The following SPAG9 variants were observed in gnomAD, a reference collection of about 807,000 sequenced individuals.
SPAG9 encodes sperm associated antigen 9.
Under a neutral mutation model 166.5 loss-of-function variants are expected in SPAG9, and 35 were observed. The observed-to-expected ratio is 0.21, with a 90% CI of 0.16 to 0.28. The LOEUF (loss-of-function observed/expected upper bound fraction) is 0.28. Among genes scored for constraint, SPAG9 ranks in the 10% least tolerant of loss-of-function variants. SPAG9 has a pLI of 1.00. For synonymous variants in SPAG9, 534 were observed against 565.5 expected (o/e 0.94, Z 0.79); for missense variants, 1,235 against 1,603.3 (o/e 0.77, Z 3.92).
At chr17:51,112,287 A>G (rs919227001) in intron 1 of SPAG9, among the ~76,000 whole-genome samples, 73 of 146,960 alleles carry the variant, frequency 5.0e-4, no homozygotes, top group African/African-American at 1.7e-3. Flanking sequence ...CAATCCCAAC[A>G]CTTTGGGAGG....
chr17:51,046,740 C>T (rs2047035388), intron 4 of SPAG9: 3 of 1,535,532 alleles, frequency 2.0e-6, no homozygotes, highest in African/African-American at 2.7e-5. Context: ...TAGTGAGGAT[C>T]TGTCATTCAG....
chr17:51,059,547 T>A lies in SPAG9; in HGVS notation c.425-3065A>T, dbSNP rs373528904. On this transcript the variant is annotated intron_variant, in intron 2 of 29. Coordinates refer to ENST00000262013, the MANE Select transcript of SPAG9 (RefSeq NM_001130528.3). ...GGTGGGCGGATCACAAGGTCAGAAGTTCGAGAACAGCCTGGCCAACATGGT... is the reference window on the plus strand; with the variant it reads ...GGTGGGCGGATCACAAGGTCAGAAGATCGAGAACAGCCTGGCCAACATGGT... Among the ~76,000 whole-genome samples, 18 of 151,858 alleles carry A rather than the reference T, an allele frequency of 1.2e-4. No individual in the cohort carries two copies. In the South Asian group the frequency reaches 3.7e-3, roughly 32 times the overall value.
rs1004403083 is a variant in SPAG9, at chr17:51,120,747, G to A, written c.-91C>T. 3.7e-5 allele frequency: 44 copies of A among 1,196,870 alleles called. No individual in the cohort carries two copies. The Admixed American group carries it at 9.5e-4, about 26-fold the overall frequency. The allele number at this position is 1,196,870 out of a possible 1,614,324, so 74.1% of individuals were successfully genotyped here. On this transcript the variant is annotated 5_prime_UTR_variant, in exon 1 of 30. Coordinates refer to ENST00000262013, the MANE Select transcript of SPAG9 (RefSeq NM_001130528.3). This position sits in a 1 kb window ranked among gnomAD's most constrained non-coding sequence, Gnocchi z 4.7. ...GGACGGACCCGACTCGGGCTGGGAC[G>A]GGTACTAGGGCTGGAGCCCGGGCCG... is the stretch of plus-strand genomic sequence containing the variant.
chr17:51,003,493 T>C (rs1201598757), intron 12 of SPAG9, among the ~76,000 whole-genome samples: 1 of 152,162 alleles, frequency 6.6e-6, no homozygotes, highest in African/African-American at 2.4e-5. Flanking sequence ...ACTTATTACC[T>C]AGTTACCAAG....
chr17:51,117,891 T>C (rs1047984674), intron 1 of SPAG9, among the ~76,000 whole-genome samples: 5 of 151,770 alleles, frequency 3.3e-5, no homozygotes, highest in Non-Finnish European at 7.4e-5. Flanking sequence ...CCCAGTACTT[T>C]GGGAGGCTGA....
intron 1 of SPAG9, among the ~76,000 whole-genome samples, chr17:51,103,297 G>A (rs912305200): frequency 6.6e-6 from 1 of 152,136 alleles, no homozygotes; most frequent in African/African-American, 2.4e-5. Context: ...AAAAGCAATA[G>A]GTTAGTTTGA....
intron 2 of SPAG9, among the ~76,000 whole-genome samples, chr17:51,058,518 T>C (rs2047419496): frequency 6.6e-6 from 1 of 152,242 alleles, no homozygotes; most frequent in African/African-American, 2.4e-5. Context: ...GCTATACTGC[T>C]TCTCAGCAAA....
intron 9 of SPAG9, among the ~76,000 whole-genome samples, chr17:51,010,717 T>C (rs956395770): frequency 6.6e-6 from 1 of 151,812 alleles, no homozygotes; most frequent in African/African-American, 2.4e-5. Flanking sequence ...ACTAAAACAG[T>C]GCCTGTTGGT....
chr17:51,048,268 A>AGC (rs1054798397), intron 3 of SPAG9, among the ~76,000 whole-genome samples: 1 of 152,124 alleles, frequency 6.6e-6, no homozygotes, highest in Non-Finnish European at 1.5e-5. Flanking sequence ...ACTTTTAAAA[A>AGC]GCCTAAATTT....
At chr17:50,980,000 C>T in intron 25 of SPAG9, 83 bp from the exon 26 acceptor site, 1 of 1,289,130 alleles carries the variant, frequency 7.8e-7, no homozygotes, top group Non-Finnish European at 1.1e-6. Flanking sequence ...CACAAGTTAG[C>T]AGACTATTAA....
chr17:51,026,956 G>A (rs368539578), intron 6 of SPAG9, among the ~76,000 whole-genome samples: 1 of 152,134 alleles, frequency 6.6e-6, no homozygotes, highest in Non-Finnish European at 1.5e-5. Flanking sequence ...GTTTAGAGAT[G>A]TGAGCCACTG....
At chr17:51,022,116 C>A (rs1465743927) in intron 6 of SPAG9, among the ~76,000 whole-genome samples, 1 of 141,202 alleles carries the variant, frequency 7.1e-6, no homozygotes, top group Non-Finnish European at 1.5e-5. Context: ...GAGCTAGACT[C>A]CATCTCAAAA....
At chr17:50,994,939 G>A (rs1468134283) in intron 18 of SPAG9, 118 bp downstream of exon 18, 4 of 678,006 alleles carry the variant, frequency 5.9e-6, no homozygotes, top group Non-Finnish European at 1.0e-5. Context: ...GGTGCTGAGG[G>A]ACAGTAAGCC....
At chr17:51,074,302 G>T (rs865937665) in intron 2 of SPAG9, among the ~76,000 whole-genome samples, 3 of 152,188 alleles carry the variant, frequency 2.0e-5, no homozygotes, top group Non-Finnish European at 4.4e-5. Flanking sequence ...GTGCACGCCT[G>T]TAATCCCAGC....
At chr17:51,053,959 T>C (rs1185867350) in intron 3 of SPAG9, among the ~76,000 whole-genome samples, 1 of 136,660 alleles carries the variant, frequency 7.3e-6, no homozygotes, top group Non-Finnish European at 1.5e-5. Context: ...AAACAGTACA[T>C]AGAGTACATT....
chr17:51,040,965 T>G (rs942180440), intron 5 of SPAG9, among the ~76,000 whole-genome samples: 3 of 152,234 alleles, frequency 2.0e-5, no homozygotes, highest in Non-Finnish European at 2.9e-5. Context: ...TTTATATTTA[T>G]CACTTATTTG....
chr17:51,003,645 G>C (rs1001668212), intron 12 of SPAG9, among the ~76,000 whole-genome samples: 1 of 152,186 alleles, frequency 6.6e-6, no homozygotes, highest in African/African-American at 2.4e-5. Context: ...CATGGCTCAA[G>C]TCAACGTCCT....
At chr17:51,064,669 G>C (rs547819919) in intron 2 of SPAG9, among the ~76,000 whole-genome samples, 1 of 152,310 alleles carries the variant, frequency 6.6e-6, no homozygotes, top group South Asian at 2.1e-4. Context: ...AATTAGATTA[G>C]TGGTTTTCAG....
chr17:51,084,129 C>G (rs750921645), intron 1 of SPAG9: 4 of 152,068 alleles, frequency 2.6e-5, no homozygotes, highest in Non-Finnish European at 5.9e-5. Context: ...GTACCAGGCA[C>G]AGGGAACATG....
Sources: allele counts gnomAD v4.1 joint callset (sites outside exome capture counted in the v4.1 genomes callset), GRCh38; gene constraint gnomAD v4.1.1; non-coding constraint Gnocchi (gnomAD v3.1); transcripts MANE v1.5; gene names NCBI Gene and HGNC (gene_info 2026-07-23, HGNC 2026-07-21).